Variants in IL17RA observed in about 807,000 individuals in gnomAD.
IL17RA encodes interleukin 17 receptor A, also known as interleukin-17 receptor A.
IL17RA carries 34 observed loss-of-function variants against 50.4 expected under a neutral mutation model. The observed-to-expected ratio is 0.67, with a 90% confidence interval of 0.51 to 0.90. The LOEUF (loss-of-function observed/expected upper bound fraction) is 0.90, where lower values mean the gene tolerates loss of function less well. IL17RA is among the 40% of genes least tolerant of loss of function. The pLI is 0.00. For missense variants in IL17RA, 1,276 were observed against 1,169.8 expected (o/e 1.09, Z -1.32); for synonymous variants, 585 against 510.4 (o/e 1.15, Z -1.97).
chr22:17,103,391 G>A, intron 7 of IL17RA, 103 bp from the exon 8 acceptor site: 1 of 874,718 alleles, frequency 1.1e-6, no homozygotes, highest in Admixed American at 2.0e-5. Context: ...CCTTCCTAAG[G>A]GGTGCTCTGG....
chr22:17,091,686 A>AG (rs1371262065), intron 1 of IL17RA, among the ~76,000 whole-genome samples: 1 of 152,060 alleles, frequency 6.6e-6, no homozygotes, highest in Non-Finnish European at 1.5e-5. Flanking sequence ...TCAAAAAAAA[A>AG]AAAGTCAATG....
rs1193614618 is a variant in IL17RA, at chr22:17,087,670, GA to G, written c.138+2444del. Among the ~76,000 whole-genome samples, 12 of 152,190 alleles carry G rather than the reference GA, an allele frequency of 7.9e-5. No individual in the cohort carries two copies. In the South Asian group the frequency reaches 8.3e-4, roughly 11 times the overall value. ...AACCCAGATGACTGATTTCCCCACA[GA>G]AATCATTACACGAGAAACCATCAAT... On this transcript the variant is annotated intron_variant, in intron 1 of 12. Transcript: ENST00000319363.
chr22:17,086,704 C>A (rs1165330382), intron 1 of IL17RA, among the ~76,000 whole-genome samples: 1 of 151,996 alleles, frequency 6.6e-6, no homozygotes, highest in Admixed American at 6.5e-5. Context: ...TACGGAATTC[C>A]AGGAAAAAGA....
chr22:17,105,819 C>T (rs775307984), intron 10 of IL17RA, 34 bp from the exon 11 acceptor site: 18 of 1,545,928 alleles, frequency 1.2e-5, no homozygotes, highest in African/African-American at 7.7e-5. Flanking sequence ...GGGCAGGCCC[C>T]GCCGCATCAC....
Position 17,102,248 on chromosome 22 carries a change from T to G in IL17RA, c.708T>G (p.Ser236Arg). Reference sequence around the variant, plus strand: ...CCCATTACCAGATCCTGCTGACCAGTTTTCCGCACATGGAGAACCACAGTT... The same window carrying G: ...CCCATTACCAGATCCTGCTGACCAGGTTTCCGCACATGGAGAACCACAGTT... ...ESTHYQILLT[S>R]FPHMENHSCF... Residue 236 changes from serine to arginine, a missense_variant, in exon 7 of 13, where the codon AGT (serine) becomes AGG (arginine). Physicochemically the swap from Ser to Arg is moderately radical, Grantham distance 110 (BLOSUM62 -1). Transcript: ENST00000319363. 1.2e-6 allele frequency: 2 copies of G among 1,614,070 alleles called. No individual in the cohort carries two copies. The highest frequency in any genetic ancestry group is 1.7e-6 in the Non-Finnish European group (2 of 1,180,006).
chr22:17,088,852 G>T (rs570690743), intron 1 of IL17RA, among the ~76,000 whole-genome samples: 3 of 151,574 alleles, frequency 2.0e-5, no homozygotes, highest in African/African-American at 7.3e-5. Context: ...TTGGAGTGCA[G>T]TGGTGCGATC....
chr22:17,085,047 TGC>T lies in IL17RA; in HGVS notation c.-43_-42del. ...AGAAAGCCTCAGAACGTTCGTTCGCTGCGTCCCCAGCCGGGGCCGAGCCCTCC... is the reference window on the plus strand; with the variant it reads ...AGAAAGCCTCAGAACGTTCGTTCGCTGTCCCCAGCCGGGGCCGAGCCCTCC... On this transcript the variant is annotated 5_prime_UTR_variant, in exon 1 of 13. Transcript: ENST00000319363. 2 of 1,288,728 alleles carry T rather than the reference TGC, an allele frequency of 1.6e-6. No individual in the cohort carries two copies. Among genetic ancestry groups the T allele is most frequent in the Non-Finnish European group, 2.0e-6 (2 of 1,017,334 alleles). 79.8% of individuals were successfully genotyped at this position (1,288,728 alleles called of 1,614,324 possible). A position where few individuals can be genotyped will look rare whatever the true frequency, so the allele number is the denominator to read the frequency against.
At chr22:17,100,302 G>A (rs2061385989) in intron 4 of IL17RA, 53 bp from the exon 5 acceptor site, 5 of 1,612,480 alleles carry the variant, frequency 3.1e-6, no homozygotes, top group Admixed American at 1.7e-5. Flanking sequence ...GGCATAGATG[G>A]GTGACAGAGG....
Position 17,109,488 on chromosome 22 carries a change from G to C in IL17RA, c.2269G>C (p.Glu757Gln), listed in dbSNP as rs573583763. 1.9e-6 allele frequency: 3 copies of C among 1,609,758 alleles called. No individual in the cohort carries two copies. The highest frequency in any genetic ancestry group is 2.5e-6 in the Non-Finnish European group (3 of 1,178,262). The change falls in exon 13 of 13, where the codon GAG (glutamate) becomes CAG (glutamine). Residue 757 changes from glutamate (E) to glutamine (Q), a missense_variant. By Grantham distance (29) the Glu-to-Gln change is conservative. Coordinates refer to ENST00000319363, the MANE Select transcript of IL17RA (RefSeq NM_014339.7). ...HLEGLMLSLF[E>Q]QSLSCQAQGG... ...CGAAGGCTTGATGCTCTCGCTCTTCGAGCAGAGTCTGAGCTGCCAGGCCCA... is the reference window on the plus strand; with the variant it reads ...CGAAGGCTTGATGCTCTCGCTCTTCCAGCAGAGTCTGAGCTGCCAGGCCCA...
chr22:17,106,801 G>A (rs1336707484), intron 11 of IL17RA, among the ~76,000 whole-genome samples: 3 of 152,190 alleles, frequency 2.0e-5, no homozygotes, highest in Admixed American at 6.5e-5. Flanking sequence ...ATAACATTCA[G>A]TAGCATCTCG....
intron 1 of IL17RA, among the ~76,000 whole-genome samples, chr22:17,088,202 A>G (rs1163683762): frequency 5.3e-5 from 8 of 152,240 alleles, no homozygotes; most frequent in Admixed American, 4.6e-4. Flanking sequence ...TTTCTCTGTC[A>G]GGCACTCAGT....
intron 2 of IL17RA, 132 bp from the exon 3 acceptor site, chr22:17,097,665 G>A (rs1275841102): frequency 2.0e-5 from 20 of 1,005,846 alleles, no homozygotes; most frequent in East Asian, 5.0e-5. Context: ...AGCTGAGGAC[G>A]CGGCCAAGGG....
Position 17,109,309 on chromosome 22 carries a change from C to CG in IL17RA, c.2095dup (p.Glu699GlyfsTer17), listed in dbSNP as rs1555874858. On this transcript the variant is annotated frameshift_variant, in exon 13 of 13. Coordinates refer to ENST00000319363, the MANE Select transcript of IL17RA (RefSeq NM_014339.7). LOFTEE classifies it low-confidence loss of function (END_TRUNC). ...GGTGCCGCAGTCCGGCTGGCACTGG[C>CG]GGGGGAGGGCGAGGCCTGCCCGCTG... 6.5e-7 allele frequency: 1 copy of CG among 1,528,384 alleles called. No homozygotes were observed. Among genetic ancestry groups the CG allele is most frequent in the Admixed American group, 2.0e-5 (1 of 51,134 alleles). 94.7% of individuals were successfully genotyped at this position (1,528,384 alleles called of 1,614,324 possible).
intron 2 of IL17RA, 160 bp downstream of exon 2, chr22:17,097,246 T>A: frequency 1.4e-6 from 1 of 716,296 alleles, no homozygotes; most frequent in Admixed American, 2.0e-5. Context: ...TGCGTGCACC[T>A]GCGCTTCCTG....
intron 1 of IL17RA, among the ~76,000 whole-genome samples, chr22:17,088,464 GCCCACCA>G: frequency 1.3e-5 from 2 of 150,014 alleles, no homozygotes; most frequent in Admixed American, 1.3e-4. Flanking sequence ...GATTACAGGC[GCCCACCA>G]CTACACCCAG....
chr22:17,105,549 T>G, intron 9 of IL17RA, 42 bp from the exon 10 acceptor site: 1 of 1,599,940 alleles, frequency 6.3e-7, no homozygotes, highest in Non-Finnish European at 8.6e-7. Flanking sequence ...CTGGGAAGGG[T>G]TAAGAATGCT....
At chr22:17,097,764 A>G in intron 2 of IL17RA, 33 bp from the exon 3 acceptor site, 3 of 1,613,766 alleles carry the variant, frequency 1.9e-6, no homozygotes, top group Non-Finnish European at 2.5e-6. Context: ...CTCGGCTATA[A>G]GTCTCTGAAT....
chr22:17,086,967 A>T (rs2061330353), intron 1 of IL17RA, among the ~76,000 whole-genome samples: 1 of 152,210 alleles, frequency 6.6e-6, no homozygotes, highest in African/African-American at 2.4e-5. Context: ...AAGCAACTGT[A>T]AGTCAGGAGC....
rs372352072 is a variant in IL17RA, at chr22:17,106,706, G to A, written c.1045+752G>A. On this transcript the variant is annotated intron_variant, in intron 11 of 12. Coordinates refer to ENST00000319363, the MANE Select transcript of IL17RA (RefSeq NM_014339.7). ...GCTGTTTCCACCCTTCCCTAGGCTC[G>A]TCAGGATTAGGTGTTAATCATTATT... Among the ~76,000 whole-genome samples, 393 of 152,200 alleles carry A rather than the reference G, an allele frequency of 2.6e-3. 2 individuals carry two copies. The highest frequency in any genetic ancestry group is 8.8e-3 in the African/African-American group (365 of 41,506).
Sources: allele counts gnomAD v4.1 joint callset (sites outside exome capture counted in the v4.1 genomes callset), GRCh38; gene constraint gnomAD v4.1.1; transcripts MANE v1.5; gene names NCBI Gene and HGNC (gene_info 2026-07-23, HGNC 2026-07-21).